Variants in GXYLT2 observed in about 807,000 individuals in gnomAD.
The protein encoded by GXYLT2 is glucoside xylosyltransferase 2, also known as glycosyltransferase 8 domain containing 4.
A neutral mutation model predicts 45.8 loss-of-function variants in GXYLT2; 53 were observed. The observed-to-expected ratio is 1.16, with a 90% CI of 0.93 to 1.46. The LOEUF (loss-of-function observed/expected upper bound fraction) is 1.46, where lower values mean the gene tolerates loss of function less well. GXYLT2 is among the 40% of genes most tolerant of loss of function. GXYLT2 has a pLI of 0.00. For synonymous variants in GXYLT2, 219 were observed against 214.2 expected, an observed-to-expected ratio of 1.02 and a Z score of -0.19; for missense variants, 551 against 544.4, an observed-to-expected ratio of 1.01 and a Z score of -0.12.
At chr3:72,904,895 A>AT (rs200846959) in intron 1 of GXYLT2, among the ~76,000 whole-genome samples, 3,686 of 138,944 alleles carry the variant, frequency 0.027, 89 homozygotes, top group Non-Finnish European at 0.036. Context: ...AAAAAAAAAA[A>AT]AAATTAACCA....
At position 72,957,440 on chromosome 3, in the gene GXYLT2, T is replaced by C. The variant is rs949290869; in HGVS notation, c.976+88T>C. 3.6e-5 allele frequency: 48 copies of C among 1,331,442 alleles called. No homozygotes were observed. In the South Asian group the frequency reaches 6.3e-4, roughly 18 times the overall value. The allele number at this position is 1,331,442 out of a possible 1,614,324, so 82.5% of individuals were successfully genotyped here. On this transcript the variant is annotated intron_variant, in intron 5 of 6. Coordinates refer to ENST00000389617, the MANE Select transcript of GXYLT2 (RefSeq NM_001080393.2). ...ATTCCATGCCCGGGTTGCTATTGAC[T>C]AGGCTTGAATTGTGCACAGAGGAGC...
chr3:72,905,920 A>G (rs1175848170), intron 1 of GXYLT2, among the ~76,000 whole-genome samples: 3 of 152,228 alleles, frequency 2.0e-5, no homozygotes, highest in South Asian at 2.1e-4. Flanking sequence ...CAGAAGCCCA[A>G]TATGTAAAGC....
intron 6 of GXYLT2, among the ~76,000 whole-genome samples, chr3:72,974,516 G>A (rs7610454): frequency 0.68 from 103,103 of 152,100 alleles, 35,218 homozygotes; most frequent in Admixed American, 0.76. Context: ...TCTACTCAGC[G>A]TAAACATGCT....
chr3:72,908,275 T>A, intron 1 of GXYLT2, 92 bp from the exon 2 acceptor site: 1 of 820,478 alleles, frequency 1.2e-6, no homozygotes. Flanking sequence ...TGATCATGTT[T>A]TGAAATGTTC....
chr3:72,945,198 G>A (rs763983431), intron 3 of GXYLT2, among the ~76,000 whole-genome samples: 1 of 151,960 alleles, frequency 6.6e-6, no homozygotes, highest in Non-Finnish European at 1.5e-5. Context: ...TGAGGCAGGA[G>A]AATGGTGTGA....
intron 3 of GXYLT2, among the ~76,000 whole-genome samples, chr3:72,951,504 T>C (rs1444898671): frequency 6.6e-6 from 1 of 152,220 alleles, no homozygotes; most frequent in African/African-American, 2.4e-5. Flanking sequence ...TTCATTTCAC[T>C]GCATCCTTTT....
At chr3:72,918,089 G>A (rs951166515) in intron 2 of GXYLT2, among the ~76,000 whole-genome samples, 1 of 152,188 alleles carries the variant, frequency 6.6e-6, no homozygotes, top group Non-Finnish European at 1.5e-5. Flanking sequence ...GCTATTTAGA[G>A]TAGAAGCAGC....
chr3:72,945,515 C>T (rs1269284171), intron 3 of GXYLT2, among the ~76,000 whole-genome samples: 2 of 152,084 alleles, frequency 1.3e-5, no homozygotes, highest in African/African-American at 2.4e-5. Context: ...AATAATTTAA[C>T]CAAAGGCCAT....
chr3:72,949,502 C>CTTTTTTTTTTTTT (rs56323434), intron 3 of GXYLT2, among the ~76,000 whole-genome samples: 12 of 72,608 alleles, frequency 1.7e-4, no homozygotes, highest in African/African-American at 2.5e-4. Context: ...CTTTCTTTTT[C>CTTTTTTTTTTTTT]TTTTTTTTTT....
At chr3:72,966,458 C>CTT (rs10662974) in intron 5 of GXYLT2, among the ~76,000 whole-genome samples, 22,302 of 101,514 alleles carry the variant, frequency 0.22, 3,896 homozygotes, top group Non-Finnish European at 0.26. Flanking sequence ...TTGTGTGTAT[C>CTT]TTTTTTTTTT....
intron 3 of GXYLT2, among the ~76,000 whole-genome samples, chr3:72,938,262 G>A (rs1710228676): frequency 6.6e-6 from 1 of 152,118 alleles, no homozygotes; most frequent in South Asian, 2.1e-4. Context: ...GACAATGGAT[G>A]GAAAGACGGA....
At chr3:72,908,601 A>G (rs984902538) in intron 2 of GXYLT2, 42 bp downstream of exon 2, 2 of 1,334,078 alleles carry the variant, frequency 1.5e-6, no homozygotes, top group East Asian at 4.6e-5. Context: ...ACTAAGTACA[A>G]ACAGACTACA....
intron 1 of GXYLT2, among the ~76,000 whole-genome samples, chr3:72,889,272 T>C (rs1217172919): frequency 6.6e-6 from 1 of 152,202 alleles, no homozygotes; most frequent in Non-Finnish European, 1.5e-5. Flanking sequence ...TCCTTTGTTG[T>C]GGAGGGCTTT....
At chr3:72,944,172 C>G (rs992983986) in intron 3 of GXYLT2, among the ~76,000 whole-genome samples, 1 of 151,720 alleles carries the variant, frequency 6.6e-6, no homozygotes, top group African/African-American at 2.4e-5. Flanking sequence ...ACTGCAGCCT[C>G]AACCTCCTGG....
At chr3:72,923,096 A>G (rs952115835) in intron 3 of GXYLT2, among the ~76,000 whole-genome samples, 43 of 152,238 alleles carry the variant, frequency 2.8e-4, no homozygotes, top group African/African-American at 1.0e-3. Context: ...CTCTACTAAA[A>G]ATACAAAAAT....
At chr3:72,930,177 A>C (rs111491215) in intron 3 of GXYLT2, among the ~76,000 whole-genome samples, 7 of 151,458 alleles carry the variant, frequency 4.6e-5, no homozygotes, top group African/African-American at 1.7e-4. Flanking sequence ...AAAAAAACAA[A>C]AAAAAAAACA....
intron 5 of GXYLT2, among the ~76,000 whole-genome samples, chr3:72,965,571 G>T (rs929294224): frequency 6.6e-6 from 1 of 152,172 alleles, no homozygotes; most frequent in African/African-American, 2.4e-5. Context: ...AGGGGGTCAT[G>T]AATTTATTGC....
At chr3:72,921,302 A>G (rs1313261070) in intron 2 of GXYLT2, among the ~76,000 whole-genome samples, 2 of 152,214 alleles carry the variant, frequency 1.3e-5, no homozygotes, top group African/African-American at 4.8e-5. Flanking sequence ...CATTAGTGAC[A>G]ATGATATAGA....
chr3:72,890,460 A>G (rs1449682076), intron 1 of GXYLT2, among the ~76,000 whole-genome samples: 5 of 152,250 alleles, frequency 3.3e-5, no homozygotes, highest in African/African-American at 9.6e-5. Flanking sequence ...AGATGAGGAA[A>G]GTATTGCACA....
Sources: allele counts gnomAD v4.1 joint callset (sites outside exome capture counted in the v4.1 genomes callset), GRCh38; gene constraint gnomAD v4.1.1; transcripts MANE v1.5; gene names NCBI Gene and HGNC (gene_info 2026-07-23, HGNC 2026-07-21).